Variants in ST6GALNAC2 observed in about 807,000 individuals in gnomAD.
The protein encoded by ST6GALNAC2 is alpha-N-acetylgalactosaminide alpha-2,6-sialyltransferase 2.
ST6GALNAC2 carries 42 observed loss-of-function variants against 38.7 expected under a neutral mutation model. The observed-to-expected ratio is 1.09, with a 90% CI of 0.85 to 1.40. The LOEUF is 1.40. ST6GALNAC2 is among the 40% of genes most tolerant of loss of function. The pLI is 0.00. For missense variants in ST6GALNAC2, 506 were observed against 481.7 expected (o/e 1.05, Z -0.47); for synonymous variants, 233 against 209.0 (o/e 1.11, Z -0.99).
At position 76,573,154 on chromosome 17, in the gene ST6GALNAC2, A is replaced by C. The variant is rs1383495437; in HGVS notation, c.530+41T>G. Reference sequence around the variant, plus strand: ...GGGGAGACACCCCCACCCTCCAGGCAACTCTCCCTCCCGCCCCTCCCCAGC... The same window carrying C: ...GGGGAGACACCCCCACCCTCCAGGCCACTCTCCCTCCCGCCCCTCCCCAGC... On this transcript the variant is annotated intron_variant, in intron 4 of 8. Coordinates refer to ENST00000225276, the MANE Select transcript of ST6GALNAC2 (RefSeq NM_006456.3). The surrounding 1 kb of genome is among the most constrained non-coding windows in gnomAD (Gnocchi z 5.1). 1.8e-5 allele frequency: 27 copies of C among 1,518,780 alleles called. No individual in the cohort carries two copies. Among genetic ancestry groups the C allele is most frequent in the Non-Finnish European group, 2.3e-5 (26 of 1,113,362 alleles). 94.1% of individuals were successfully genotyped at this position (1,518,780 alleles called of 1,614,324 possible).
chr17:76,568,367 G>A (rs2075310265), intron 7 of ST6GALNAC2: 1 of 306,960 alleles, frequency 3.3e-6, no homozygotes. Context: ...CCTTGTGTTG[G>A]CTGTGTTTGG....
chr17:76,574,878 A>G (rs12950167), intron 2 of ST6GALNAC2, among the ~76,000 whole-genome samples: 17,379 of 151,832 alleles, frequency 0.11, 1,070 homozygotes, highest in Middle Eastern at 0.15. Flanking sequence ...GGGTTTCACC[A>G]TGTTAGCCAG....
In ST6GALNAC2 at chr17:76,565,991, G is replaced by C; in HGVS notation, c.*113C>G. The C allele has an allele frequency of 8.9e-7, 1 of 1,126,952 alleles. No homozygotes were observed. 69.8% of individuals were successfully genotyped at this position (1,126,952 alleles called of 1,614,324 possible). A position where few individuals can be genotyped will look rare whatever the true frequency, so the allele number is the denominator to read the frequency against. ...CGATGAAAATCTTGAATTCACCCCA[G>C]TGCCCTCTGTTGGCAAGGGAAGGTG... On this transcript the variant is annotated 3_prime_UTR_variant, in exon 9 of 9. Transcript: ENST00000225276.
At chr17:76,581,491 G>A (rs533861543) in intron 1 of ST6GALNAC2, among the ~76,000 whole-genome samples, 1 of 152,160 alleles carries the variant, frequency 6.6e-6, no homozygotes, top group East Asian at 1.9e-4. Flanking sequence ...AGGCTGGAGA[G>A]CCTGACGGAG....
At chr17:76,584,997 T>TG in intron 1 of ST6GALNAC2, among the ~76,000 whole-genome samples, 2 of 152,212 alleles carry the variant, frequency 1.3e-5, no homozygotes, top group Non-Finnish European at 2.9e-5. Flanking sequence ...GTTCTCCTCG[T>TG]GGGACACCCA....
At position 76,565,706 on chromosome 17, in the gene ST6GALNAC2, G is replaced by T. The variant is rs903385201; in HGVS notation, c.*398C>A. 15 of 174,170 alleles carry T rather than the reference G, an allele frequency of 8.6e-5. No homozygotes were observed. Among genetic ancestry groups the T allele is most frequent in the Non-Finnish European group, 1.8e-4 (15 of 81,676 alleles). 10.8% of individuals were successfully genotyped at this position (174,170 alleles called of 1,614,324 possible). On this transcript the variant is annotated 3_prime_UTR_variant, in exon 9 of 9. Coordinates refer to ENST00000225276, the MANE Select transcript of ST6GALNAC2 (RefSeq NM_006456.3). ...TAGAAAGGCTCTTAAGAGGTGTCCT[G>T]GAGTCCTTGAATCACTTTAGCATCT... is the stretch of plus-strand genomic sequence containing the variant.
rs865803374 is a variant in ST6GALNAC2 at position 76,573,284 on chromosome 17, C to A, written c.441G>T (p.Lys147Asn). ...LFAPPRDTPPKCIRCAVVGNG... is the reference protein window; with the variant it reads ...LFAPPRDTPPNCIRCAVVGNG... Reference sequence around the variant, plus strand: ...TGCCCACCACGGCACACCGGATACACTTTGGAGGGGTGTCCCTGGGCGGGG... The same window carrying A: ...TGCCCACCACGGCACACCGGATACAATTTGGAGGGGTGTCCCTGGGCGGGG... Residue 147 changes from lysine (K) to asparagine (N), a missense_variant, in exon 4 of 9, where the codon AAG (lysine) becomes AAT (asparagine). By Grantham distance (94) the Lys-to-Asn change is moderately conservative. Coordinates refer to ENST00000225276, the MANE Select transcript of ST6GALNAC2 (RefSeq NM_006456.3). This position sits in a 1 kb window ranked among gnomAD's most constrained non-coding sequence, Gnocchi z 5.1. The A allele has an allele frequency of 6.2e-7, 1 of 1,609,382 alleles. No individual in the cohort carries two copies. Among genetic ancestry groups the A allele is most frequent in the East Asian group, 2.2e-5 (1 of 44,788 alleles).
rs2075448556 is a variant in ST6GALNAC2 at position 76,579,099 on chromosome 17, A to C, written c.126-283T>G. On this transcript the variant is annotated intron_variant, in intron 1 of 8. Coordinates refer to ENST00000225276, the MANE Select transcript of ST6GALNAC2 (RefSeq NM_006456.3). ...CACACCCAGCTAATTTTGTATTTTT[A>C]GTAGAGACGGGGTTTTTCCATGTTG... 46 of 229,236 alleles carry C rather than the reference A, an allele frequency of 2.0e-4. 2 individuals carry two copies. In the South Asian group the frequency reaches 3.0e-3, roughly 15 times the overall value. 14.2% of individuals were successfully genotyped at this position (229,236 alleles called of 1,614,324 possible).
At chr17:76,576,081 CA>C (rs2075412419) in intron 2 of ST6GALNAC2, among the ~76,000 whole-genome samples, 2 of 149,892 alleles carry the variant, frequency 1.3e-5, no homozygotes, top group African/African-American at 4.9e-5. Context: ...CCCATGTCTG[CA>C]AAAAAATGTT....
chr17:76,582,354 G>GTTTTTTTTTTTTTTTT (rs1567935515), intron 1 of ST6GALNAC2, among the ~76,000 whole-genome samples: 1 of 31,914 alleles, frequency 3.1e-5, no homozygotes, highest in African/African-American at 1.1e-4. Flanking sequence ...TTTTTTTTTG[G>GTTTTTTTTTTTTTTTT]TATTTTTAGT....
intron 1 of ST6GALNAC2, among the ~76,000 whole-genome samples, chr17:76,580,316 G>A (rs1384777357): frequency 6.6e-6 from 1 of 152,174 alleles, no homozygotes; most frequent in African/African-American, 2.4e-5. Context: ...TACTTGGGAA[G>A]CTGAGGCAGG....
At chr17:76,574,912 G>A (rs1486055881) in intron 2 of ST6GALNAC2, among the ~76,000 whole-genome samples, 1 of 151,972 alleles carries the variant, frequency 6.6e-6, no homozygotes, top group Non-Finnish European at 1.5e-5. Context: ...TCCTGACCTC[G>A]TGATCCACCC....
intron 1 of ST6GALNAC2, among the ~76,000 whole-genome samples, chr17:76,583,035 G>A (rs1001917336): frequency 1.3e-5 from 2 of 152,144 alleles, no homozygotes; most frequent in Non-Finnish European, 2.9e-5. Flanking sequence ...CATACTTAAA[G>A]TCTATTAGAT....
At chr17:76,585,036 G>A (rs1037762129) in intron 1 of ST6GALNAC2, among the ~76,000 whole-genome samples, 1 of 152,274 alleles carries the variant, frequency 6.6e-6, no homozygotes, top group African/African-American at 2.4e-5. Context: ...AGGAGGGAGT[G>A]GAGCGCAGGA....
At chr17:76,585,066 C>G (rs1226846029) in intron 1 of ST6GALNAC2, among the ~76,000 whole-genome samples, 2 of 152,210 alleles carry the variant, frequency 1.3e-5, no homozygotes, top group African/African-American at 2.4e-5. Flanking sequence ...GGGAGGAGAA[C>G]GCGGATGGAG....
intron 7 of ST6GALNAC2, chr17:76,567,892 T>C (rs534512248): frequency 3.5e-6 from 1 of 289,244 alleles, no homozygotes; most frequent in Admixed American, 4.7e-5. Flanking sequence ...TAAGTAGGAA[T>C]CACGTGTGAG....
intron 5 of ST6GALNAC2, 61 bp downstream of exon 5, chr17:76,572,576 G>C: frequency 6.2e-7 from 1 of 1,600,984 alleles, no homozygotes. Context: ...CCCCACTGAG[G>C]GGACTCCAGG....
In ST6GALNAC2 at chr17:76,585,678, C is replaced by T; in HGVS notation, c.125+6G>A. 1 of 1,523,610 alleles carries T rather than the reference C, an allele frequency of 6.6e-7. No homozygotes were observed. The highest frequency in any genetic ancestry group is 8.8e-7 in the Non-Finnish European group (1 of 1,140,726). 94.4% of individuals were successfully genotyped at this position (1,523,610 alleles called of 1,614,324 possible). ...GCCCTCCCGCTCTGCGCTCGGCAGC[C>T]CCTACCTGGCTCCGGCCGCTGGCCC... On this transcript the variant is annotated splice_donor_region_variant and intron_variant, in intron 1 of 8. Coordinates refer to ENST00000225276, the MANE Select transcript of ST6GALNAC2 (RefSeq NM_006456.3).
rs978803733 is a variant in ST6GALNAC2 at position 76,566,047 on chromosome 17, A to C, written c.*57T>G. On this transcript the variant is annotated 3_prime_UTR_variant, in exon 9 of 9. Transcript: ENST00000225276. ...TGAAAAGTTAAAAAAGCTTTTGGCC[A>C]CTTGAGAGGATCAGGGCCGCAACTC... 1.9e-6 allele frequency: 3 copies of C among 1,548,666 alleles called. No homozygotes were observed. The highest frequency in any genetic ancestry group is 1.4e-5 in the African/African-American group (1 of 72,080).
Sources: gnomAD v4.1 joint callset for allele counts (sites outside exome capture counted in the v4.1 genomes callset) on GRCh38, gnomAD v4.1.1 for gene constraint, Gnocchi (gnomAD v3.1) non-coding constraint, MANE v1.5 for transcripts, NCBI Gene and HGNC (gene_info 2026-07-23, HGNC 2026-07-21) for gene names.